RBM26: variants seen among roughly 807,000 people sequenced by gnomAD.
RBM26 encodes RNA binding motif protein 26.
RBM26 carries 30 observed loss-of-function variants against 123.6 expected under a neutral mutation model. The ratio of observed to expected loss-of-function variants is 0.24; its 90% CI spans 0.18 to 0.33. RBM26 has a LOEUF of 0.33. Among genes scored for constraint, RBM26 ranks in the 10% least tolerant of loss-of-function variants. The pLI is 1.00. For synonymous variants in RBM26, 400 were observed against 404.4 expected, an observed-to-expected ratio of 0.99 and a Z score of 0.13; for missense variants, 947 against 1,203.6, an observed-to-expected ratio of 0.79 and a Z score of 3.15.
chr13:79,319,907 T>C lies in RBM26; in HGVS notation c.*714A>G, dbSNP rs2067483109. On this transcript the variant is annotated 3_prime_UTR_variant, in exon 22 of 22. Coordinates refer to ENST00000438737, the MANE Select transcript of RBM26 (RefSeq NM_001366735.2). Reference sequence around the variant, plus strand: ...CTATTTTAATTTTTTTCTTTTCTTTTTTCTTTTCTTTTTTTTTTTAAATCA... The same window carrying C: ...CTATTTTAATTTTTTTCTTTTCTTTCTTCTTTTCTTTTTTTTTTTAAATCA... The C allele has an allele frequency of 1.1e-6, 1 of 950,606 alleles. No homozygotes were observed. Among genetic ancestry groups the C allele is most frequent in the Non-Finnish European group, 1.2e-6 (1 of 800,380 alleles). The allele number at this position is 950,606 out of a possible 1,614,324, so 58.9% of individuals were successfully genotyped here. A position where few individuals can be genotyped will look rare whatever the true frequency, so the allele number is the denominator to read the frequency against.
chr13:79,313,039 CTA>C (rs1341273886), exon 5 of RBM26: 5 of 151,790 alleles, frequency 3.3e-5, no homozygotes, highest in Admixed American at 3.3e-4. Flanking sequence ...TATAGCATGA[CTA>C]GAGCAGCTTA....
intron 5 of RBM26, among the ~76,000 whole-genome samples, chr13:79,370,406 T>C (rs1312177191): frequency 1.3e-5 from 2 of 152,200 alleles, no homozygotes; most frequent in Non-Finnish European, 2.9e-5. Flanking sequence ...GATTCATCCA[T>C]TTTGTTGCAT....
Position 79,320,569 on chromosome 13 carries a change from C to A in RBM26, c.*52G>T. On this transcript the variant is annotated 3_prime_UTR_variant, in exon 22 of 22. Transcript: ENST00000438737. ...ATATGTAAAAGTACATTAGATAATA[C>A]TAATGAAACACAGGTAGAGTTCTAG... 1.4e-6 allele frequency: 2 copies of A among 1,470,758 alleles called. No homozygotes were observed. The highest frequency in any genetic ancestry group is 1.8e-6 in the Non-Finnish European group (2 of 1,109,010). 91.1% of individuals were successfully genotyped at this position (1,470,758 alleles called of 1,614,324 possible).
At chr13:79,377,927 CAA>C (rs5805027) in intron 2 of RBM26, among the ~76,000 whole-genome samples, 80 of 148,056 alleles carry the variant, frequency 5.4e-4, no homozygotes, top group Middle Eastern at 3.5e-3. Context: ...GACTCCGTCT[CAA>C]AAAAAAAAAA....
chr13:79,387,326 T>A (rs2077576201), intron 1 of RBM26, among the ~76,000 whole-genome samples: 1 of 151,982 alleles, frequency 6.6e-6, no homozygotes, highest in South Asian at 2.1e-4. Flanking sequence ...CCTAAAAATA[T>A]ACTTTAGTTA....
chr13:79,375,175 A>AT (rs1258634612), intron 3 of RBM26, among the ~76,000 whole-genome samples: 2 of 132,944 alleles, frequency 1.5e-5, no homozygotes, highest in Non-Finnish European at 3.2e-5. Flanking sequence ...TATTATATAT[A>AT]TATATTTTTT....
intron 1 of RBM26, among the ~76,000 whole-genome samples, chr13:79,399,689 A>G (rs898284459): frequency 2.0e-5 from 3 of 152,166 alleles, no homozygotes; most frequent in Admixed American, 6.5e-5. Context: ...AGAAAGGCCT[A>G]GAGATAAAAA....
intron 1 of RBM26, among the ~76,000 whole-genome samples, chr13:79,403,974 C>T (rs1441511705): frequency 6.6e-6 from 1 of 152,106 alleles, no homozygotes; most frequent in African/African-American, 2.4e-5. Flanking sequence ...TTTCCTCCTG[C>T]CTCAGTACTA....
intron 1 of RBM26, among the ~76,000 whole-genome samples, chr13:79,386,188 G>C (rs2077462001): frequency 6.6e-6 from 1 of 151,570 alleles, no homozygotes; most frequent in South Asian, 2.1e-4. Context: ...AAATACCTTT[G>C]TTTGGCTTAA....
chr13:79,321,647 T>C (rs1427607713), intron 21 of RBM26, among the ~76,000 whole-genome samples: 2 of 151,278 alleles, frequency 1.3e-5, no homozygotes, highest in Non-Finnish European at 3.0e-5. Context: ...TGCTTATCCC[T>C]CCATCTAAAA....
intron 19 of RBM26, among the ~76,000 whole-genome samples, chr13:79,336,337 G>A (rs2070395709): frequency 6.6e-6 from 1 of 152,068 alleles, no homozygotes; most frequent in Non-Finnish European, 1.5e-5. Flanking sequence ...AGTTTATTCT[G>A]TGTTAAACTG....
chr13:79,365,123 G>C (rs1340997008), intron 9 of RBM26, among the ~76,000 whole-genome samples: 2 of 152,044 alleles, frequency 1.3e-5, no homozygotes, highest in Non-Finnish European at 2.9e-5. Context: ...TCCAACGGGG[G>C]AACGAAGGAT....
At chr13:79,349,215 T>C (rs1255779463) in intron 14 of RBM26, among the ~76,000 whole-genome samples, 2 of 152,198 alleles carry the variant, frequency 1.3e-5, no homozygotes, top group Non-Finnish European at 2.9e-5. Context: ...GCTGCTTTCT[T>C]GGCAATTTTC....
chr13:79,369,499 T>C (rs2075663602), intron 5 of RBM26, among the ~76,000 whole-genome samples: 1 of 152,110 alleles, frequency 6.6e-6, no homozygotes, highest in Non-Finnish European at 1.5e-5. Flanking sequence ...ATTAAAGAGA[T>C]TAGTTAAGTG....
chr13:79,331,462 TACAAA>T (rs2069344229), intron 20 of RBM26, among the ~76,000 whole-genome samples: 1 of 14,050 alleles, frequency 7.1e-5, no homozygotes, highest in Non-Finnish European at 1.5e-4. Context: ...CTACTAAAAA[TACAAA>T]AAAAAAAAAA....
chr13:79,330,217 C>T (rs145176749), intron 20 of RBM26, among the ~76,000 whole-genome samples: 2,504 of 152,236 alleles, frequency 0.016, 33 homozygotes, highest in Non-Finnish European at 0.026. Context: ...TTTATTCTTA[C>T]ACACATTCAT....
At chr13:79,358,197 T>G (rs1294326232) in intron 11 of RBM26, 77 bp downstream of exon 11, 6 of 1,239,456 alleles carry the variant, frequency 4.8e-6, no homozygotes, top group Non-Finnish European at 6.6e-6. Context: ...AATATTTATT[T>G]ATAAAGGTAG....
At chr13:79,354,110 A>G (rs183266552) in intron 13 of RBM26, among the ~76,000 whole-genome samples, 1 of 152,152 alleles carries the variant, frequency 6.6e-6, no homozygotes, top group Non-Finnish European at 1.5e-5. Context: ...GATGGAAAAA[A>G]TAAGATTTAA....
chr13:79,341,119 A>G lies in RBM26; in HGVS notation c.2532+4T>C. 2 of 1,569,212 alleles carry G rather than the reference A, an allele frequency of 1.3e-6. No homozygotes were observed. The highest frequency in any genetic ancestry group is 8.8e-7 in the Non-Finnish European group (1 of 1,142,636). On this transcript the variant is annotated splice_donor_region_variant and intron_variant, in intron 18 of 21. Transcript: ENST00000438737. Reference sequence around the variant, plus strand: ...GCCTACTGTGTAGTTGTGATTAAACATACTTCCAGCTGTAATTCTGTATAC... The same window carrying G: ...GCCTACTGTGTAGTTGTGATTAAACGTACTTCCAGCTGTAATTCTGTATAC...
Sources: gnomAD v4.1 joint callset for allele counts (sites outside exome capture counted in the v4.1 genomes callset) on GRCh38, gnomAD v4.1.1 for gene constraint, MANE v1.5 for transcripts, NCBI Gene and HGNC (gene_info 2026-07-23, HGNC 2026-07-21) for gene names.